KCNQ2: variants seen among roughly 807,000 people sequenced by gnomAD.
KCNQ2 encodes the protein potassium voltage-gated channel subfamily KQT member 2.
In KCNQ2, 14 loss-of-function variants were observed where a neutral mutation model predicts 84.8. That is an observed-to-expected ratio of 0.17 (90% CI 0.11 to 0.26). The LOEUF (loss-of-function observed/expected upper bound fraction) is 0.26. KCNQ2 is among the 10% of genes least tolerant of loss of function. The pLI, the probability that KCNQ2 is intolerant of heterozygous loss-of-function variation, is 1.00. For synonymous variants in KCNQ2, 599 were observed against 554.1 expected (o/e 1.08, Z -1.14); for missense variants, 788 against 1,254.0 (o/e 0.63, Z 5.61).
chr20:63,432,142 ACAGGGAAGGCCCCACCCT>A (rs1226255110), intron 8 of KCNQ2, among the ~76,000 whole-genome samples: 6 of 118,602 alleles, frequency 5.1e-5, no homozygotes, highest in Non-Finnish European at 8.7e-5. Context: ...GGATCCACCC[ACAGGGAAGGCCCCACCCT>A]CAGGGAAGGC....
At chr20:63,435,303 G>A (rs1004630015) in intron 7 of KCNQ2, among the ~76,000 whole-genome samples, 4 of 151,180 alleles carry the variant, frequency 2.6e-5, no homozygotes, top group Non-Finnish European at 4.4e-5. Context: ...TGGGAGGATC[G>A]CTTGAACCTG....
chr20:63,439,262 C>T (rs753605727), intron 6 of KCNQ2, among the ~76,000 whole-genome samples: 4 of 152,244 alleles, frequency 2.6e-5, no homozygotes, highest in Non-Finnish European at 5.9e-5. Flanking sequence ...CATGAGGGAC[C>T]TGTGTCACCA....
At chr20:63,441,859 C>T (rs1045053328) in intron 5 of KCNQ2, among the ~76,000 whole-genome samples, 4 of 152,236 alleles carry the variant, frequency 2.6e-5, no homozygotes, top group African/African-American at 4.8e-5. Context: ...CCCACTCAGC[C>T]GGCATGTGCG....
intron 12 of KCNQ2, among the ~76,000 whole-genome samples, chr20:63,417,484 G>A (rs1214877180): frequency 6.6e-6 from 1 of 152,260 alleles, no homozygotes; most frequent in Non-Finnish European, 1.5e-5. Context: ...GCACCGGGTG[G>A]AGGACAGAGC....
intron 4 of KCNQ2, among the ~76,000 whole-genome samples, chr20:63,442,773 T>TCACCATCAC (rs2081226034): frequency 3.7e-5 from 1 of 27,282 alleles, no homozygotes; most frequent in Non-Finnish European, 6.9e-5. Context: ...ACCATCACCA[T>TCACCATCAC]CACCACCACC....
chr20:63,465,906 G>T (rs1030106053), intron 1 of KCNQ2, among the ~76,000 whole-genome samples: 1 of 152,214 alleles, frequency 6.6e-6, no homozygotes, highest in Non-Finnish European at 1.5e-5. Context: ...GGCTGGGCGC[G>T]TGTCGGTGCT....
intron 1 of KCNQ2, among the ~76,000 whole-genome samples, chr20:63,468,562 C>T (rs1003517441): frequency 1.3e-5 from 2 of 152,224 alleles, no homozygotes; most frequent in Non-Finnish European, 2.9e-5. Context: ...TGAGGGGAAG[C>T]GCCTGGGCCC....
At chr20:63,435,204 C>T (rs2080957004) in intron 7 of KCNQ2, among the ~76,000 whole-genome samples, 1 of 152,104 alleles carries the variant, frequency 6.6e-6, no homozygotes. Context: ...GCCTGGGAAA[C>T]ATGGCAAAAC....
chr20:63,410,513 G>A (rs948652060), intron 15 of KCNQ2, among the ~76,000 whole-genome samples: 3 of 152,166 alleles, frequency 2.0e-5, no homozygotes, highest in Non-Finnish European at 4.4e-5. Context: ...TGTCTCTTGC[G>A]GCAAGGCACA....
intron 4 of KCNQ2, among the ~76,000 whole-genome samples, chr20:63,442,947 CCAT>C (rs2081254586): frequency 3.9e-5 from 4 of 101,856 alleles, no homozygotes; most frequent in South Asian, 7.2e-4. Flanking sequence ...ACCACCATCA[CCAT>C]CATCACCATC....
Position 63,406,729 on chromosome 20 carries a change from A to G in KCNQ2, c.2534T>C (p.Leu845Pro). The G allele has an allele frequency of 6.2e-7, 1 of 1,609,188 alleles. No individual in the cohort carries two copies. Residue 845 changes from leucine (L) to proline (P), a missense_variant, in exon 17 of 17, where the codon CTC (leucine) becomes CCC (proline). Physicochemically the swap from Leu to Pro is moderately conservative, Grantham distance 98. This residue lies in a region of KCNQ2 where 378 missense variants were observed against 434.5 expected (regional missense o/e 0.87). Coordinates refer to ENST00000359125, the MANE Select transcript of KCNQ2 (RefSeq NM_172107.4). ...TGGCGGGGGCCCGCACGGGGTACAG[A>G]GGTCGGAGTCGGTGTCTGACTCTCC... Reference protein sequence around the residue: ...AEGESDTDSDLCTPCGPPPRS... With the variant: ...AEGESDTDSDPCTPCGPPPRS...
intron 11 of KCNQ2, among the ~76,000 whole-genome samples, chr20:63,421,063 C>T (rs966644535): frequency 6.6e-6 from 1 of 152,078 alleles, no homozygotes; most frequent in Admixed American, 6.5e-5. Context: ...AAGCACAGAG[C>T]CCCTGCCTGG....
At chr20:63,442,908 C>T (rs982254895) in intron 4 of KCNQ2, among the ~76,000 whole-genome samples, 1 of 15,628 alleles carries the variant, frequency 6.4e-5, no homozygotes, top group Non-Finnish European at 1.5e-4. Context: ...ATCACCACCA[C>T]CATCACCATC....
At position 63,408,839 on chromosome 20, in the gene KCNQ2, C is replaced by T. The variant is rs1032084029; in HGVS notation, c.1764-303G>A. 2.6e-5 allele frequency among the ~76,000 whole-genome samples: 4 copies of T among 152,208 alleles called. No homozygotes were observed. The highest frequency in any genetic ancestry group is 2.9e-5 in the Non-Finnish European group (2 of 68,024). ...CGCCCGGCTCCTCTCCGTGGGCTCC[C>T]GGCTCCATACCGCCCCCTCCAGCCA... On this transcript the variant is annotated intron_variant, in intron 15 of 16. Transcript: ENST00000359125. This position sits in a 1 kb window ranked among gnomAD's most constrained non-coding sequence, Gnocchi z 5.0.
In KCNQ2 at chr20:63,446,338, G is replaced by A. The variant is rs1447296980; in HGVS notation, c.387+409C>T. 5 of 282,718 alleles carry A rather than the reference G, an allele frequency of 1.8e-5. No individual in the cohort carries two copies. In the East Asian group the frequency reaches 2.8e-4, roughly 16 times the overall value. 17.5% of individuals were successfully genotyped at this position (282,718 alleles called of 1,614,324 possible). A position where few individuals can be genotyped will look rare whatever the true frequency, so the allele number is the denominator to read the frequency against. ...GGAACTGCACTCCCGTTGCCATGGC[G>A]CCCACCCTGCCCTGGCACAGGGTTG... is the stretch of plus-strand genomic sequence containing the variant. On this transcript the variant is annotated intron_variant, in intron 2 of 16. Coordinates refer to ENST00000359125, the MANE Select transcript of KCNQ2 (RefSeq NM_172107.4). The surrounding 1 kb of genome is among the most constrained non-coding windows in gnomAD (Gnocchi z 5.5).
chr20:63,420,292 TC>T (rs1049011128), intron 11 of KCNQ2, among the ~76,000 whole-genome samples: 2 of 152,050 alleles, frequency 1.3e-5, no homozygotes, highest in Non-Finnish European at 2.9e-5. Flanking sequence ...GGAGCGCAGC[TC>T]CCCGCCGGGG....
In KCNQ2 at chr20:63,406,551, G is replaced by A; in HGVS notation, c.*93C>T. The stretch of plus-strand genomic sequence containing the variant: ...ACCCTTCCCGCCACACTCAGTTACT[G>A]TAAGAAAAGGGCCCCAGAGGGTTCC... On this transcript the variant is annotated 3_prime_UTR_variant, in exon 17 of 17. Coordinates refer to ENST00000359125, the MANE Select transcript of KCNQ2 (RefSeq NM_172107.4). The A allele has an allele frequency of 1.2e-5, 17 of 1,404,600 alleles. No homozygotes were observed. Among genetic ancestry groups the A allele is most frequent in the South Asian group, 5.9e-5 (4 of 68,050 alleles). 87.0% of individuals were successfully genotyped at this position (1,404,600 alleles called of 1,614,324 possible).
At position 63,406,349 on chromosome 20, in the gene KCNQ2, G is replaced by A. The variant is rs34690549; in HGVS notation, c.*295C>T. 19,187 of 398,550 alleles carry A rather than the reference G, an allele frequency of 0.048. 676 individuals carry two copies. The highest frequency in any genetic ancestry group is 0.11 in the Admixed American group (2,689 of 24,740). The allele number at this position is 398,550 out of a possible 1,614,324, so 24.7% of individuals were successfully genotyped here. A position where few individuals can be genotyped will look rare whatever the true frequency, so the allele number is the denominator to read the frequency against. ...CATCACTCCCGCCCCTCCTCACACC[G>A]GGCTGATGTCGGCCGCGGCCCTGAG... On this transcript the variant is annotated 3_prime_UTR_variant, in exon 17 of 17. Coordinates refer to ENST00000359125, the MANE Select transcript of KCNQ2 (RefSeq NM_172107.4).
chr20:63,408,141 G>T lies in KCNQ2; in HGVS notation c.1887+272C>A. The T allele has an allele frequency of 4.1e-6, 2 of 492,366 alleles. No individual in the cohort carries two copies. Among genetic ancestry groups the T allele is most frequent in the South Asian group, 4.2e-5 (2 of 47,560 alleles). The allele number at this position is 492,366 out of a possible 1,614,324, so 30.5% of individuals were successfully genotyped here. A position where few individuals can be genotyped will look rare whatever the true frequency, so the allele number is the denominator to read the frequency against. On this transcript the variant is annotated intron_variant, in intron 16 of 16. Coordinates refer to ENST00000359125, the MANE Select transcript of KCNQ2 (RefSeq NM_172107.4). The surrounding 1 kb of genome is among the most constrained non-coding windows in gnomAD (Gnocchi z 5.0). The stretch of plus-strand genomic sequence containing the variant: ...CACGTTCCACAAGGAACCCCTGAGG[G>T]ATCCACCTCTCAGCAGCCCCCACCC...
Sources: allele counts gnomAD v4.1 joint callset (sites outside exome capture counted in the v4.1 genomes callset), GRCh38; gene constraint gnomAD v4.1.1; regional missense constraint gnomAD v4.1.1; non-coding constraint Gnocchi (gnomAD v3.1); transcripts MANE v1.5; gene names NCBI Gene and HGNC (gene_info 2026-07-23, HGNC 2026-07-21).